Variants in ATG2B observed in about 807,000 individuals in gnomAD.
ATG2B encodes the protein autophagy related 2B.
ATG2B carries 121 observed loss-of-function variants against 241.3 expected under a neutral mutation model. The ratio of observed to expected loss-of-function variants is 0.50; its 90% CI spans 0.43 to 0.58. The LOEUF is 0.58. ATG2B is among the 20% of genes least tolerant of loss of function. ATG2B has a pLI of 0.00. For missense variants in ATG2B, 2,306 were observed against 2,491.6 expected (o/e 0.93, Z 1.59); for synonymous variants, 858 against 876.6 (o/e 0.98, Z 0.37).
chr14:96,313,547 G>A, intron 23 of ATG2B, 112 bp from the exon 24 acceptor site: 5 of 514,226 alleles, frequency 9.7e-6, no homozygotes, highest in Admixed American at 3.8e-5. Context: ...TCATTTAATT[G>A]GAAAATCATA....
rs762200737 is a variant in ATG2B at position 96,343,278 on chromosome 14, A to G, written c.585T>C (p.Thr195=). ...GTALEIRIER[T]VYCDETADES... Reference sequence around the variant, plus strand: ...CGTCAGCAGTTTCATCACAGTACACAGTTCTGAAATTTTTTTAAAAAGCAT... The same window carrying G: ...CGTCAGCAGTTTCATCACAGTACACGGTTCTGAAATTTTTTTAAAAAGCAT... The change falls in exon 5 of 42, where the codon ACT becomes ACC. Residue 195 remains threonine (T), a synonymous_variant. Coordinates refer to ENST00000359933, the MANE Select transcript of ATG2B (RefSeq NM_018036.7). 32 of 1,562,552 alleles carry G rather than the reference A, an allele frequency of 2.0e-5. No homozygotes were observed. Among genetic ancestry groups the G allele is most frequent in the Non-Finnish European group, 2.6e-5 (30 of 1,155,922 alleles).
chr14:96,315,041 TTAATGA>T (rs749706340), intron 23 of ATG2B, 107 bp downstream of exon 23: 20 of 767,792 alleles, frequency 2.6e-5, no homozygotes, highest in Non-Finnish European at 3.9e-5. Flanking sequence ...TAGTATTCAC[TTAATGA>T]TAATTCACTG....
In ATG2B at chr14:96,347,302, C is replaced by A; in HGVS notation, c.202G>T (p.Glu68Ter). 1 of 1,605,610 alleles carries A rather than the reference C, an allele frequency of 6.2e-7. No individual in the cohort carries two copies. Among genetic ancestry groups the A allele is most frequent in the Non-Finnish European group, 8.5e-7 (1 of 1,173,350 alleles). Residue 68 changes from glutamate (E) to a stop codon, truncating the protein, a stop_gained, in exon 2 of 42, where the codon GAA (glutamate) becomes TAA (stop). Coordinates refer to ENST00000359933, the MANE Select transcript of ATG2B (RefSeq NM_018036.7). LOFTEE classifies it high-confidence loss of function. ...GACTGAATGAATCCTTCAGTGACTT[C>A]TAAGGGTGCATCTGCTGACTCCAAG... Reference protein sequence around the residue: ...EILESADAPLEVTEGFIQSIS... With the variant: ...EILESADAPL
Position 96,290,682 on chromosome 14 carries a change from G to T in ATG2B, c.5702-92C>A, listed in dbSNP as rs1886460460. The T allele has an allele frequency of 1.9e-6, 3 of 1,558,132 alleles. No individual in the cohort carries two copies. The highest frequency in any genetic ancestry group is 2.6e-6 in the Non-Finnish European group (3 of 1,147,504). On this transcript the variant is annotated intron_variant, in intron 39 of 41. Coordinates refer to ENST00000359933, the MANE Select transcript of ATG2B (RefSeq NM_018036.7). The surrounding 1 kb of genome is among the most constrained non-coding windows in gnomAD (Gnocchi z 4.4). ...GGGTTTTTAACTCCTAAAACTGGAGGCAAAGTTTTGTGTATATGAGTACAT... is the reference window on the plus strand; with the variant it reads ...GGGTTTTTAACTCCTAAAACTGGAGTCAAAGTTTTGTGTATATGAGTACAT...
At position 96,345,280 on chromosome 14, in the gene ATG2B, G is replaced by A; in HGVS notation, c.431C>T (p.Ser144Phe). 6.2e-7 allele frequency: 1 copy of A among 1,613,278 alleles called. No homozygotes were observed. The highest frequency in any genetic ancestry group is 1.1e-5 in the South Asian group (1 of 91,012). ...QKLTDEQGEG[S>F]QPFEGLEKFA... ...CTTTTCAAGTCCTTCAAAAGGCTGG[G>A]ATCCTTCTCCTTGTTCATCTGTTAG... is the stretch of plus-strand genomic sequence containing the variant. Residue 144 changes from serine to phenylalanine, a missense_variant, in exon 3 of 42, where the codon TCC becomes TTC. Physicochemically the swap from Ser to Phe is radical, Grantham distance 155. Coordinates refer to ENST00000359933, the MANE Select transcript of ATG2B (RefSeq NM_018036.7).
Position 96,341,980 on chromosome 14 carries a change from T to C in ATG2B, c.745-279A>G, listed in dbSNP as rs140059129. The stretch of plus-strand genomic sequence containing the variant: ...AGCAGTAAGAAAACCTAATGGGCAC[T>C]GTATAATTAAGAAAATCTGATTTGT... On this transcript the variant is annotated intron_variant, in intron 5 of 41. Transcript: ENST00000359933. 5.8e-3 allele frequency among the ~76,000 whole-genome samples: 886 copies of C among 152,296 alleles called. 12 individuals carry two copies. Among genetic ancestry groups the C allele is most frequent in the African/African-American group, 0.02 (843 of 41,578 alleles).
At position 96,344,977 on chromosome 14, in the gene ATG2B, GACTAAC is replaced by G. The variant is rs1417693341; in HGVS notation, c.479-227_479-222del. Among the ~76,000 whole-genome samples, 7 of 151,558 alleles carry G rather than the reference GACTAAC, an allele frequency of 4.6e-5. No individual in the cohort carries two copies. The South Asian group carries it at 1.0e-3, about 23-fold the overall frequency. ...CATCTCAACAGATGCTTGGGACAAC[GACTAAC>G]ACTATCTGTTATATTCTAATCCATT... On this transcript the variant is annotated intron_variant, in intron 3 of 41. Coordinates refer to ENST00000359933, the MANE Select transcript of ATG2B (RefSeq NM_018036.7).
intron 1 of ATG2B, among the ~76,000 whole-genome samples, chr14:96,357,696 T>TA (rs1417838319): frequency 6.6e-6 from 1 of 151,872 alleles, no homozygotes; most frequent in African/African-American, 2.4e-5. Flanking sequence ...TTTTTTTTTT[T>TA]AAGAATGTTT....
rs148838490 is a variant in ATG2B at position 96,312,105 on chromosome 14, A to C, written c.3897T>G (p.Thr1299=). The C allele has an allele frequency of 1.5e-4, 235 of 1,605,108 alleles. No homozygotes were observed. The highest frequency in any genetic ancestry group is 1.4e-4 in the Non-Finnish European group (170 of 1,177,006). ...LHLSDKCNTV[T]INLSRDYVRV... ...AACTCTTACCTCTACTCAGATTTATAGTGACAGTATTGCATTTGTCAGATA... is the reference window on the plus strand; with the variant it reads ...AACTCTTACCTCTACTCAGATTTATCGTGACAGTATTGCATTTGTCAGATA... The change falls in exon 26 of 42, where the codon ACT becomes ACG. Residue 1299 remains threonine, a synonymous_variant. Transcript: ENST00000359933.
In ATG2B at chr14:96,290,683, C is replaced by G. The variant is rs1026095158; in HGVS notation, c.5702-93G>C. 5 of 1,560,268 alleles carry G rather than the reference C, an allele frequency of 3.2e-6. No individual in the cohort carries two copies. Among genetic ancestry groups the G allele is most frequent in the Non-Finnish European group, 4.4e-6 (5 of 1,149,220 alleles). Reference sequence around the variant, plus strand: ...GGTTTTTAACTCCTAAAACTGGAGGCAAAGTTTTGTGTATATGAGTACATA... The same window carrying G: ...GGTTTTTAACTCCTAAAACTGGAGGGAAAGTTTTGTGTATATGAGTACATA... On this transcript the variant is annotated intron_variant, in intron 39 of 41. Coordinates refer to ENST00000359933, the MANE Select transcript of ATG2B (RefSeq NM_018036.7). The surrounding 1 kb of genome is among the most constrained non-coding windows in gnomAD (Gnocchi z 4.4).
At position 96,347,380 on chromosome 14, in the gene ATG2B, C is replaced by G. The variant is rs58193752; in HGVS notation, c.163-39G>C. ...ACAGGTTCATTATGAATCACAAGAA[C>G]AAGAACACAAAGTTGTGAACTTATT... On this transcript the variant is annotated intron_variant, in intron 1 of 41. Transcript: ENST00000359933. The G allele has an allele frequency of 6.7e-3, 9,923 of 1,492,112 alleles. 560 individuals carry two copies. The African/African-American group carries it at 0.12, about 18-fold the overall frequency. The allele number at this position is 1,492,112 out of a possible 1,614,324, so 92.4% of individuals were successfully genotyped here. A position where few individuals can be genotyped will look rare whatever the true frequency, so the allele number is the denominator to read the frequency against.
At chr14:96,317,446 AC>A in intron 19 of ATG2B, 129 bp from the exon 20 acceptor site, 2 of 823,486 alleles carry the variant, frequency 2.4e-6, no homozygotes, top group Non-Finnish European at 3.7e-6. Flanking sequence ...AGAAATACAT[AC>A]TGTTTTTCTC....
intron 1 of ATG2B, among the ~76,000 whole-genome samples, chr14:96,356,022 T>A (rs1294435475): frequency 1.3e-5 from 2 of 151,652 alleles, no homozygotes; most frequent in African/African-American, 2.4e-5. Flanking sequence ...TACAAAAAAA[T>A]TTGCCAGGCG....
chr14:96,313,217 AAAC>A (rs750355194), intron 24 of ATG2B, 60 bp from the exon 25 acceptor site: 547 of 1,399,432 alleles, frequency 3.9e-4, no homozygotes, highest in Non-Finnish European at 4.5e-4. Context: ...ACTCTATTAA[AAAC>A]AACAACAACA....
At position 96,289,977 on chromosome 14, in the gene ATG2B, C is replaced by A. The variant is rs149862692; in HGVS notation, c.5857-172G>T. 7 of 469,298 alleles carry A rather than the reference C, an allele frequency of 1.5e-5. No homozygotes were observed. In the Admixed American group the frequency reaches 4.5e-4, roughly 30 times the overall value. The allele number at this position is 469,298 out of a possible 1,614,324, so 29.1% of individuals were successfully genotyped here. A position where few individuals can be genotyped will look rare whatever the true frequency, so the allele number is the denominator to read the frequency against. On this transcript the variant is annotated intron_variant, in intron 40 of 41. Transcript: ENST00000359933. This position sits in a 1 kb window ranked among gnomAD's most constrained non-coding sequence, Gnocchi z 4.3. ...CCACAAGAATTGATGACTTTTATAACGAGAACATAAAAGTATAAATTAATA... is the reference window on the plus strand; with the variant it reads ...CCACAAGAATTGATGACTTTTATAAAGAGAACATAAAAGTATAAATTAATA...
In ATG2B at chr14:96,308,287, T is replaced by A. The variant is rs1249503856; in HGVS notation, c.4303+1166A>T. Among the ~76,000 whole-genome samples, 533 of 80,096 alleles carry A rather than the reference T, an allele frequency of 6.7e-3. 15 individuals carry two copies. The highest frequency in any genetic ancestry group is 0.025 in the African/African-American group (443 of 17,758). The allele number at this position is 80,096 out of a possible 152,430, so 52.5% of individuals were successfully genotyped here. A position where few individuals can be genotyped will look rare whatever the true frequency, so the allele number is the denominator to read the frequency against. ...ATATATATATATATATATATATTTT[T>A]TTTTTTTTTTTTTTTGAGACAGAAT... On this transcript the variant is annotated intron_variant, in intron 29 of 41. Transcript: ENST00000359933.
At chr14:96,305,030 G>T (rs746661167) in intron 31 of ATG2B, among the ~76,000 whole-genome samples, 2 of 152,168 alleles carry the variant, frequency 1.3e-5, no homozygotes, top group African/African-American at 4.8e-5. Flanking sequence ...AGTAGAAAAA[G>T]CTGCTGAACT....
chr14:96,322,087 T>G, intron 18 of ATG2B, 25 bp downstream of exon 18: 3 of 1,472,564 alleles, frequency 2.0e-6, no homozygotes, highest in Non-Finnish European at 1.8e-6. Flanking sequence ...ATTCCAAAGA[T>G]TCAACTAAAT....
At chr14:96,307,068 G>T in intron 29 of ATG2B, 152 bp from the exon 30 acceptor site, 1 of 707,664 alleles carries the variant, frequency 1.4e-6, no homozygotes, top group Non-Finnish European at 2.3e-6. Flanking sequence ...CTTAAAGAGA[G>T]CTAAGTAACA....
Sources: gnomAD v4.1 joint callset for allele counts (sites outside exome capture counted in the v4.1 genomes callset) on GRCh38, gnomAD v4.1.1 for gene constraint, Gnocchi (gnomAD v3.1) non-coding constraint, MANE v1.5 for transcripts, NCBI Gene and HGNC (gene_info 2026-07-23, HGNC 2026-07-21) for gene names.